Variants in DTWD2 observed in about 807,000 individuals in gnomAD.
DTWD2 encodes tRNA-uridine aminocarboxypropyltransferase 2.
DTWD2 carries 39 observed loss-of-function variants against 31.8 expected under a neutral mutation model. That is an observed-to-expected ratio of 1.22 (90% CI 0.95 to 1.60). DTWD2 has a LOEUF of 1.60. Ranked by LOEUF, DTWD2 falls within the 40% of genes most tolerant of loss-of-function variation. The pLI is 0.00. For synonymous variants in DTWD2, 180 were observed against 142.8 expected (o/e 1.26, Z -1.86); for missense variants, 515 against 381.5 (o/e 1.35, Z -2.92).
At chr5:118,850,785 T>C (rs1299742929) in intron 4 of DTWD2, among the ~76,000 whole-genome samples, 1 of 151,934 alleles carries the variant, frequency 6.6e-6, no homozygotes, top group Non-Finnish European at 1.5e-5. Context: ...AGCTCTAATA[T>C]CCAGAATCTA....
chr5:118,973,347 C>T (rs910939250), intron 1 of DTWD2, among the ~76,000 whole-genome samples: 5 of 152,068 alleles, frequency 3.3e-5, no homozygotes, highest in African/African-American at 1.2e-4. Context: ...TTCTTCATAG[C>T]GTCGATGGTC....
rs2112662682 is a variant in DTWD2, at chr5:118,839,688, A to T, written c.*1229T>A. 1 of 152,308 alleles carries T rather than the reference A, an allele frequency of 6.6e-6. No individual in the cohort carries two copies. The highest frequency in any genetic ancestry group is 1.9e-4 in the East Asian group (1 of 5,190). 9.4% of individuals were successfully genotyped at this position (152,308 alleles called of 1,614,324 possible). On this transcript the variant is annotated 3_prime_UTR_variant, in exon 6 of 6. Transcript: ENST00000510708. The stretch of plus-strand genomic sequence containing the variant: ...TAATTTGTTTTTAAATCCAAAAATA[A>T]ATCAACAATAGAAGCCAGCACTCTT...
At chr5:118,945,493 G>A (rs115791639) in intron 1 of DTWD2, among the ~76,000 whole-genome samples, 2,008 of 152,058 alleles carry the variant, frequency 0.013, 40 homozygotes, top group African/African-American at 0.046. Flanking sequence ...GACTAGGCAC[G>A]GTGGCTCATG....
At chr5:118,966,922 T>C (rs985337390) in intron 1 of DTWD2, among the ~76,000 whole-genome samples, 3 of 151,930 alleles carry the variant, frequency 2.0e-5, no homozygotes, top group Admixed American at 2.0e-4. Context: ...TCCCAGCTAC[T>C]TGGGAGGCTA....
chr5:118,859,972 G>T (rs974613667), intron 4 of DTWD2, among the ~76,000 whole-genome samples: 14 of 151,970 alleles, frequency 9.2e-5, no homozygotes, highest in African/African-American at 3.4e-4. Context: ...ACAAAAATTA[G>T]CCATGTGTGG....
At position 118,856,038 on chromosome 5, in the gene DTWD2, C is replaced by T. The variant is rs567025259; in HGVS notation, c.598-7820G>A. 4.6e-5 allele frequency among the ~76,000 whole-genome samples: 7 copies of T among 152,146 alleles called. No homozygotes were observed. The East Asian group carries it at 7.7e-4, about 17-fold the overall frequency. ...TGAATATATCCAAAATGACTGACAC[C>T]GTCAGTATGCTCCTCCCAGTATACT... On this transcript the variant is annotated intron_variant, in intron 4 of 5. Coordinates refer to ENST00000510708, the MANE Select transcript of DTWD2 (RefSeq NM_173666.4).
At chr5:118,898,597 T>C (rs1753135025) in intron 4 of DTWD2, among the ~76,000 whole-genome samples, 1 of 147,668 alleles carries the variant, frequency 6.8e-6, no homozygotes, top group Non-Finnish European at 1.5e-5. Context: ...AGGCGGAGGT[T>C]GCAGTGAGCT....
At chr5:118,969,906 A>C (rs1469796247) in intron 1 of DTWD2, among the ~76,000 whole-genome samples, 1 of 152,184 alleles carries the variant, frequency 6.6e-6, no homozygotes, top group Non-Finnish European at 1.5e-5. Flanking sequence ...AGCATGTTCT[A>C]ACCCAATGCA....
At chr5:118,846,726 A>G in intron 5 of DTWD2, among the ~76,000 whole-genome samples, 1 of 152,130 alleles carries the variant, frequency 6.6e-6, no homozygotes. Flanking sequence ...AAAGACACAT[A>G]TGGGGTATAT....
intron 4 of DTWD2, among the ~76,000 whole-genome samples, chr5:118,917,135 A>T (rs764818517): frequency 2.6e-5 from 4 of 152,242 alleles, no homozygotes; most frequent in Non-Finnish European, 2.9e-5. Context: ...CCAAGTATCA[A>T]GATAGTTGAG....
intron 1 of DTWD2, among the ~76,000 whole-genome samples, chr5:118,950,142 G>A (rs1163766651): frequency 3.0e-5 from 4 of 135,204 alleles, no homozygotes; most frequent in East Asian, 2.0e-4. Flanking sequence ...CCCAGGAGAC[G>A]GAGCTTGTAT....
chr5:118,942,676 C>T (rs982199594), intron 2 of DTWD2, among the ~76,000 whole-genome samples: 4 of 151,896 alleles, frequency 2.6e-5, no homozygotes, highest in Non-Finnish European at 5.9e-5. Flanking sequence ...TTAATATTGC[C>T]ACAAATCAAT....
At chr5:118,987,189 C>T (rs1484688406) in intron 1 of DTWD2, among the ~76,000 whole-genome samples, 2 of 152,180 alleles carry the variant, frequency 1.3e-5, no homozygotes, top group East Asian at 1.9e-4. Context: ...CCCCCTCAGA[C>T]GACTTGTTTA....
At chr5:118,874,980 C>G (rs776351799) in intron 4 of DTWD2, among the ~76,000 whole-genome samples, 1 of 152,026 alleles carries the variant, frequency 6.6e-6, no homozygotes, top group Non-Finnish European at 1.5e-5. Context: ...GCCAGGTCAC[C>G]TACAAAGAGA....
chr5:118,928,614 T>G lies in DTWD2; in HGVS notation c.520A>C (p.Ile174Leu). Residue 174 changes from isoleucine to leucine, a missense_variant, in exon 4 of 6, where the codon ATC becomes CTC. Transcript: ENST00000510708. The stretch of plus-strand genomic sequence containing the variant: ...CTCCATGTACCATCAATGATGATGA[T>G]TGTAGAAGGATAAACAGGAGAATCT... ...ILDSPVYPSTIIIIDGTWSQA... is the reference protein window; with the variant it reads ...ILDSPVYPSTLIIIDGTWSQA... The G allele has an allele frequency of 1.2e-6, 2 of 1,602,050 alleles. No homozygotes were observed. The highest frequency in any genetic ancestry group is 1.7e-6 in the Non-Finnish European group (2 of 1,173,824).
At chr5:118,849,405 G>A (rs1228556695) in intron 4 of DTWD2, among the ~76,000 whole-genome samples, 1 of 152,122 alleles carries the variant, frequency 6.6e-6, no homozygotes, top group Admixed American at 6.5e-5. Context: ...TGGAGAAATG[G>A]GAACACTTTT....
chr5:118,849,625 C>G (rs960004154), intron 4 of DTWD2, among the ~76,000 whole-genome samples: 1 of 152,160 alleles, frequency 6.6e-6, no homozygotes, highest in Non-Finnish European at 1.5e-5. Context: ...TGAAACCAAC[C>G]CAAATGCCTA....
intron 1 of DTWD2, among the ~76,000 whole-genome samples, chr5:118,982,033 G>A (rs1755313074): frequency 6.6e-6 from 1 of 152,138 alleles, no homozygotes; most frequent in South Asian, 2.1e-4. Context: ...TTAGTCATCT[G>A]ACCTAAAGAG....
rs755782649 is a variant in DTWD2, at chr5:118,848,140, A to G, written c.676T>C (p.Cys226Arg). The G allele has an allele frequency of 6.2e-7, 1 of 1,603,514 alleles. No individual in the cohort carries two copies. The highest frequency in any genetic ancestry group is 2.3e-5 in the East Asian group (1 of 44,148). The change falls in exon 5 of 6, where the codon TGT (cysteine) becomes CGT (arginine). Residue 226 changes from cysteine (C) to arginine (R), a missense_variant. Cys to Arg is a radical substitution (Grantham distance 180). Coordinates refer to ENST00000510708, the MANE Select transcript of DTWD2 (RefSeq NM_173666.4). Reference sequence around the variant, plus strand: ...AAGATGGAAAGAGCAACAGCTGCACACTCCAGTGTAGAAAGGCATCTATTA... The same window carrying G: ...AAGATGGAAAGAGCAACAGCTGCACGCTCCAGTGTAGAAAGGCATCTATTA... ...PTNRCLSTLE[C>R]AAVALSILEK...
Sources: gnomAD v4.1 joint callset for allele counts (sites outside exome capture counted in the v4.1 genomes callset) on GRCh38, gnomAD v4.1.1 for gene constraint, MANE v1.5 for transcripts, NCBI Gene and HGNC (gene_info 2026-07-23, HGNC 2026-07-21) for gene names.